ZNF202: variants seen among roughly 807,000 people sequenced by gnomAD.
The protein encoded by ZNF202 is zinc finger protein 202, also known as zinc finger protein with KRAB and SCAN domains 10.
Under a neutral mutation model 54.5 loss-of-function variants are expected in ZNF202, and 22 were observed. The ratio of observed to expected loss-of-function variants is 0.40; its 90% CI spans 0.29 to 0.58. The LOEUF is 0.58. Ranked by LOEUF, ZNF202 falls within the 20% of genes least tolerant of loss-of-function variation. ZNF202 has a pLI of 0.39. For synonymous variants in ZNF202, 294 were observed against 301.4 expected (o/e 0.98, Z 0.26); for missense variants, 644 against 805.5 (o/e 0.80, Z 2.43).
chr11:123,727,739 CTTT>C (rs1861218912), intron 7 of ZNF202, 144 bp from the exon 8 acceptor site: 1 of 1,183,632 alleles, frequency 8.4e-7, no homozygotes, highest in South Asian at 1.6e-5. Flanking sequence ...AGTTTGTGTA[CTTT>C]TAACCAAGGA....
chr11:123,731,292 T>A (rs941602784), intron 3 of ZNF202, among the ~76,000 whole-genome samples: 2 of 152,226 alleles, frequency 1.3e-5, no homozygotes, highest in African/African-American at 4.8e-5. Context: ...TCTTCCTTCC[T>A]ACAGACTGCT....
rs755308348 is a variant in ZNF202 at position 123,729,721 on chromosome 11, C to T, written c.507G>A (p.Ser169=). 7 of 1,613,938 alleles carry T rather than the reference C, an allele frequency of 4.3e-6. No individual in the cohort carries two copies. The highest frequency in any genetic ancestry group is 3.3e-4 in the Middle Eastern group (2 of 6,062). The change falls in exon 5 of 9, where the codon TCG becomes TCA. Residue 169 remains serine, a synonymous_variant. Coordinates refer to ENST00000530393, the MANE Select transcript of ZNF202 (RefSeq NM_003455.4). Reference sequence around the variant, plus strand: ...TTTCCTCAGGAGACTGCTCGGGGGTCGAGCTTTGCACAGGATCCTGCAGCT... The same window carrying T: ...TTTCCTCAGGAGACTGCTCGGGGGTTGAGCTTTGCACAGGATCCTGCAGCT... ...PNELQDPVQS[S]TPEQSPEETT...
rs1343033948 is a variant in ZNF202 at position 123,730,376 on chromosome 11, G to C, written c.402+111C>G. On this transcript the variant is annotated intron_variant, in intron 4 of 8. Coordinates refer to ENST00000530393, the MANE Select transcript of ZNF202 (RefSeq NM_003455.4). This position sits in a 1 kb window ranked among gnomAD's most constrained non-coding sequence, Gnocchi z 6.0. ...GCTCATGGTATATGAGCAACCCAAG[G>C]GCAGAGCCCACTAATAATTTATGGG... 1.5e-6 allele frequency: 2 copies of C among 1,373,566 alleles called. No homozygotes were observed. Among genetic ancestry groups the C allele is most frequent in the East Asian group, 4.7e-5 (2 of 42,642 alleles). The allele number at this position is 1,373,566 out of a possible 1,614,324, so 85.1% of individuals were successfully genotyped here.
intron 3 of ZNF202, among the ~76,000 whole-genome samples, chr11:123,734,262 A>G (rs1378534476): frequency 6.6e-6 from 1 of 152,156 alleles, no homozygotes; most frequent in African/African-American, 2.4e-5. Context: ...TGAGTGGTGA[A>G]CTTCCTAACA....
At position 123,725,696 on chromosome 11, in the gene ZNF202, G is replaced by A. The variant is rs148310963; in HGVS notation, c.*301C>T. 45 of 315,924 alleles carry A rather than the reference G, an allele frequency of 1.4e-4. No homozygotes were observed. The highest frequency in any genetic ancestry group is 2.2e-4 in the Non-Finnish European group (37 of 170,902). The allele number at this position is 315,924 out of a possible 1,614,324, so 19.6% of individuals were successfully genotyped here. On this transcript the variant is annotated 3_prime_UTR_variant, in exon 9 of 9. Coordinates refer to ENST00000530393, the MANE Select transcript of ZNF202 (RefSeq NM_003455.4). ...ATTTTTTGGACGATATAGGAACCAC[G>A]ACCTCTTAAGTCTCTTAGTTCTCCT...
At chr11:123,731,009 CAA>C in intron 3 of ZNF202, 24 bp from the exon 4 acceptor site, 1 of 1,201,646 alleles carries the variant, frequency 8.3e-7, no homozygotes, top group Non-Finnish European at 1.2e-6. Flanking sequence ...TAAAGACAAA[CAA>C]GAGTATAAGC....
chr11:123,731,055 C>G (rs1861385453), intron 3 of ZNF202, 70 bp from the exon 4 acceptor site: 1 of 712,458 alleles, frequency 1.4e-6, no homozygotes, highest in African/African-American at 1.8e-5. Flanking sequence ...AGCCTGAGTT[C>G]AATCATAATC....
chr11:123,737,892 G>T (rs1408404127), intron 3 of ZNF202, among the ~76,000 whole-genome samples: 1 of 152,180 alleles, frequency 6.6e-6, no homozygotes, highest in Non-Finnish European at 1.5e-5. Flanking sequence ...TTTTGATGGT[G>T]ATGAGGAGGG....
chr11:123,739,080 A>G (rs553114991), intron 3 of ZNF202, among the ~76,000 whole-genome samples: 2 of 152,358 alleles, frequency 1.3e-5, no homozygotes, highest in Admixed American at 1.3e-4. Context: ...AAGGTATTCA[A>G]TAAACGCACA....
chr11:123,726,487 CA>C lies in ZNF202; in HGVS notation c.1456del (p.Cys486AlafsTer39), dbSNP rs1359556463. 1 of 1,614,264 alleles carries C rather than the reference CA, an allele frequency of 6.2e-7. No individual in the cohort carries two copies. Among genetic ancestry groups the C allele is most frequent in the East Asian group, 2.2e-5 (1 of 44,890 alleles). On this transcript the variant is annotated frameshift_variant, in exon 9 of 9. Coordinates refer to ENST00000530393, the MANE Select transcript of ZNF202 (RefSeq NM_003455.4). LOFTEE classifies it high-confidence loss of function. The surrounding 1 kb of genome is among the most constrained non-coding windows in gnomAD (Gnocchi z 6.0). Reference protein sequence around the residue: ...SVEKPYRCDDCGKHFRWTSDL... With the variant: ...SVEKPYRCDDXGKHFRWTSDL... ...TGAAGTCCAGCGGAAGTGCTTTCCG[CA>C]ATCATCACATCTATAGGGTTTCTCC...
intron 3 of ZNF202, among the ~76,000 whole-genome samples, chr11:123,735,132 C>G (rs551743728): frequency 6.6e-6 from 1 of 152,140 alleles, no homozygotes; most frequent in Non-Finnish European, 1.5e-5. Context: ...GCTTTCCAAA[C>G]CCCACCCCAA....
In ZNF202 at chr11:123,730,447, C is replaced by T. The variant is rs747935583; in HGVS notation, c.402+40G>A. The stretch of plus-strand genomic sequence containing the variant: ...CAAATCCAGCCTTCCAGCAAATAGT[C>T]CCCCTCCACATCACACAGATCAGGA... On this transcript the variant is annotated intron_variant, in intron 4 of 8. Transcript: ENST00000530393. This position sits in a 1 kb window ranked among gnomAD's most constrained non-coding sequence, Gnocchi z 6.0. 2 of 1,487,280 alleles carry T rather than the reference C, an allele frequency of 1.3e-6. No individual in the cohort carries two copies. The highest frequency in any genetic ancestry group is 1.5e-5 in the South Asian group (1 of 66,294). 92.1% of individuals were successfully genotyped at this position (1,487,280 alleles called of 1,614,324 possible).
chr11:123,729,204 C>T lies in ZNF202; in HGVS notation c.624G>A (p.Val208=), dbSNP rs1317928223. Residue 208 remains valine (V), a synonymous_variant, in exon 6 of 9, where the codon GTG becomes GTA. Transcript: ENST00000530393. ...LQTLQESEVP[V]PEDPDLPAER... is the part of the protein sequence containing the mutation. ...CTGCAGGAAGGTCTGGGTCCTCGGG[C>T]ACTGGGACCTCTATGAAGAAAAGAA... 16 of 1,613,400 alleles carry T rather than the reference C, an allele frequency of 9.9e-6. No individual in the cohort carries two copies. The Admixed American group carries it at 1.3e-4, about 13-fold the overall frequency.
At chr11:123,734,190 A>G (rs1861537082) in intron 3 of ZNF202, among the ~76,000 whole-genome samples, 2 of 152,192 alleles carry the variant, frequency 1.3e-5, no homozygotes, top group South Asian at 4.1e-4. Context: ...TGACAGGAAC[A>G]GGATTTAATA....
In ZNF202 at chr11:123,734,101, GAGAC is replaced by G. The variant is rs371270168; in HGVS notation, c.-97-3120_-97-3117del. On this transcript the variant is annotated intron_variant, in intron 3 of 8. Coordinates refer to ENST00000530393, the MANE Select transcript of ZNF202 (RefSeq NM_003455.4). ...GCTTTCCTTTAGCTTTTGAGAGAGAGAGACAGAGAGAGAGAGAGAGACAGACACA... is the reference window on the plus strand; with the variant it reads ...GCTTTCCTTTAGCTTTTGAGAGAGAGAGAGAGAGAGAGAGAGACAGACACA... Among the ~76,000 whole-genome samples, 352 of 152,126 alleles carry G rather than the reference GAGAC, an allele frequency of 2.3e-3. 1 individual carries two copies. Among genetic ancestry groups the G allele is most frequent in the African/African-American group, 8.2e-3 (340 of 41,514 alleles).
chr11:123,729,545 ATGT>A lies in ZNF202; in HGVS notation c.613+67_613+69del, dbSNP rs1195558100. 5.0e-3 allele frequency: 1,524 copies of A among 304,142 alleles called. 23 individuals are homozygous for A. The African/African-American group carries it at 0.12, about 24-fold the overall frequency. 18.8% of individuals were successfully genotyped at this position (304,142 alleles called of 1,614,324 possible). On this transcript the variant is annotated intron_variant, in intron 5 of 8. Transcript: ENST00000530393. ...ACCCAGCTTCCTTGGTATAGGAGAAATGTCCGAGAAATGTCCCCCTCCTTGCCT... is the reference window on the plus strand; with the variant it reads ...ACCCAGCTTCCTTGGTATAGGAGAAACCGAGAAATGTCCCCCTCCTTGCCT...
chr11:123,730,885 C>T lies in ZNF202; in HGVS notation c.4G>A (p.Ala2Thr), dbSNP rs1333032055. Residue 2 changes from alanine to threonine, a missense_variant, in exon 4 of 9, where the codon GCT (alanine) becomes ACT (threonine). Physicochemically the swap from Ala to Thr is moderately conservative, Grantham distance 58 (BLOSUM62 0). Around this residue, in one of 3 missense-constraint regions of ZNF202, gnomAD observed 46 missense variants for 47.4 expected, o/e 0.97. Coordinates refer to ENST00000530393, the MANE Select transcript of ZNF202 (RefSeq NM_003455.4). This position sits in a 1 kb window ranked among gnomAD's most constrained non-coding sequence, Gnocchi z 6.0. ...TGGTCCTCTGGTTCCACGGCTGTAG[C>T]CATTTCTTGGCTTTGGGGTGGTCTC... M[A>T]TAVEPEDQDL... 1.2e-6 allele frequency: 2 copies of T among 1,611,646 alleles called. No individual in the cohort carries two copies. The highest frequency in any genetic ancestry group is 1.7e-6 in the Non-Finnish European group (2 of 1,178,408).
chr11:123,728,011 T>G, intron 7 of ZNF202, 122 bp downstream of exon 7: 1 of 1,105,080 alleles, frequency 9.0e-7, no homozygotes, highest in Non-Finnish European at 1.3e-6. Context: ...CTCAATTTTA[T>G]TGGTGGGGAA....
At chr11:123,727,121 T>C in intron 8 of ZNF202, 130 bp from the exon 9 acceptor site, 3 of 1,187,118 alleles carry the variant, frequency 2.5e-6, no homozygotes, top group Non-Finnish European at 2.4e-6. Context: ...TGCCAAGCAC[T>C]TTCTCATATT....
Sources: allele counts gnomAD v4.1 joint callset (sites outside exome capture counted in the v4.1 genomes callset), GRCh38; gene constraint gnomAD v4.1.1; regional missense constraint gnomAD v4.1.1; non-coding constraint Gnocchi (gnomAD v3.1); transcripts MANE v1.5; gene names NCBI Gene and HGNC (gene_info 2026-07-23, HGNC 2026-07-21).